F13A1: variants seen among roughly 807,000 people sequenced by gnomAD.
F13A1 encodes coagulation factor XIII A chain.
Under a neutral mutation model 80.1 loss-of-function variants are expected in F13A1, and 47 were observed. The observed-to-expected ratio is 0.59, with a 90% CI of 0.46 to 0.75. The LOEUF (loss-of-function observed/expected upper bound fraction) is 0.75, where lower values mean the gene tolerates loss of function less well. Among genes scored for constraint, F13A1 ranks in the 30% least tolerant of loss-of-function variants. The pLI, the probability that F13A1 is intolerant of heterozygous loss-of-function variation, is 0.00. For missense variants in F13A1, 817 were observed against 930.4 expected (o/e 0.88, Z 1.59); for synonymous variants, 349 against 344.9 (o/e 1.01, Z -0.13).
intron 6 of F13A1, among the ~76,000 whole-genome samples, chr6:6,244,840 C>A (rs187558909): frequency 6.6e-6 from 1 of 152,178 alleles, no homozygotes; most frequent in Non-Finnish European, 1.5e-5. Context: ...CGAGCTGAGT[C>A]GCTTCCCATA....
At chr6:6,302,584 T>C (rs1319570782) in intron 3 of F13A1, among the ~76,000 whole-genome samples, 1 of 152,192 alleles carries the variant, frequency 6.6e-6, no homozygotes, top group African/African-American at 2.4e-5. Context: ...TTACCATGAA[T>C]GGAACGTGCA....
In F13A1 at chr6:6,228,892, A is replaced by G. The variant is rs116263970; in HGVS notation, c.799-4032T>C. On this transcript the variant is annotated intron_variant, in intron 6 of 14. Coordinates refer to ENST00000264870, the MANE Select transcript of F13A1 (RefSeq NM_000129.4). ...TAATACAAGCTGAGCGTATCCCCCA[A>G]TGGAACTGAGATATGCCTCCAGTTG... 7.8e-3 allele frequency among the ~76,000 whole-genome samples: 1,183 copies of G among 152,320 alleles called. 12 individuals carry two copies. Among genetic ancestry groups the G allele is most frequent in the African/African-American group, 0.027 (1,128 of 41,558 alleles).
At chr6:6,173,470 C>T (rs560846034) in intron 12 of F13A1, among the ~76,000 whole-genome samples, 15 of 150,440 alleles carry the variant, frequency 1.0e-4, no homozygotes, top group Non-Finnish European at 1.3e-4. Context: ...GGCAGTGGCA[C>T]GATCTCAGCT....
At chr6:6,282,853 C>G (rs554409005) in intron 3 of F13A1, among the ~76,000 whole-genome samples, 1 of 152,304 alleles carries the variant, frequency 6.6e-6, no homozygotes, top group South Asian at 2.1e-4. Flanking sequence ...CAGAGTTTCA[C>G]AGAGGGTCAT....
intron 10 of F13A1, among the ~76,000 whole-genome samples, chr6:6,192,514 C>A (rs1359253502): frequency 1.3e-5 from 2 of 151,938 alleles, no homozygotes; most frequent in African/African-American, 4.8e-5. Context: ...AAAATAATTC[C>A]AAAGTTTTGT....
intron 10 of F13A1, among the ~76,000 whole-genome samples, chr6:6,195,512 C>T (rs1761273765): frequency 6.6e-6 from 1 of 152,212 alleles, no homozygotes. Context: ...TATAATTTCT[C>T]TGGAGCAGTT....
intron 6 of F13A1, 90 bp downstream of exon 6, chr6:6,248,222 C>G: frequency 2.0e-6 from 2 of 1,022,422 alleles, no homozygotes; most frequent in Non-Finnish European, 3.1e-6. Flanking sequence ...AAGTGTAAGT[C>G]ATCATTTCAG....
chr6:6,148,851 G>A (rs1760327348), intron 14 of F13A1, among the ~76,000 whole-genome samples: 2 of 152,110 alleles, frequency 1.3e-5, no homozygotes. Flanking sequence ...CTGGGTTTCT[G>A]TAACTATTCA....
At chr6:6,146,460 C>T (rs984628874) in intron 14 of F13A1, among the ~76,000 whole-genome samples, 5 of 152,182 alleles carry the variant, frequency 3.3e-5, no homozygotes, top group African/African-American at 1.2e-4. Flanking sequence ...TTCTCCTCTT[C>T]CTCCCAGCCT....
In F13A1 at chr6:6,174,604, C is replaced by G. The variant is rs201444282; in HGVS notation, c.1723G>C (p.Asp575His). ...PKAEFKKETF[D>H]VTLEPLSFKK... ...CAGGACAAGGGCTCCAGCGTCACGTCGAACGTCTCCTTCTTGAATTCTGCC... is the reference window on the plus strand; with the variant it reads ...CAGGACAAGGGCTCCAGCGTCACGTGGAACGTCTCCTTCTTGAATTCTGCC... The change falls in exon 12 of 15, where the codon GAC becomes CAC. Residue 575 changes from aspartate (D) to histidine (H), a missense_variant. Physicochemically the swap from Asp to His is moderately conservative, Grantham distance 81. Transcript: ENST00000264870. The G allele has an allele frequency of 7.6e-5, 122 of 1,613,990 alleles. No homozygotes were observed. Among genetic ancestry groups the G allele is most frequent in the Non-Finnish European group, 8.5e-7 (1 of 1,180,038 alleles).
chr6:6,175,836 T>G (rs562240439), intron 11 of F13A1, among the ~76,000 whole-genome samples: 1 of 152,024 alleles, frequency 6.6e-6, no homozygotes. Flanking sequence ...GTGGTGGAGA[T>G]GAAGGGAGGA....
chr6:6,300,288 C>T lies in F13A1; in HGVS notation c.319+5063G>A, dbSNP rs145214991. Among the ~76,000 whole-genome samples the T allele has an allele frequency of 7.5e-4, 113 of 150,354 alleles. 1 individual carries two copies. The East Asian group carries it at 0.012, about 15-fold the overall frequency. On this transcript the variant is annotated intron_variant, in intron 3 of 14. Transcript: ENST00000264870. ...GCTCCACCCAGTTCGAGCTTCCAGG[C>T]TGCTTTGTTTCAGTAAGCAAGCCTG...
chr6:6,174,963 G>A, intron 11 of F13A1, 96 bp from the exon 12 acceptor site: 1 of 1,452,746 alleles, frequency 6.9e-7, no homozygotes, highest in Non-Finnish European at 9.6e-7. Context: ...TTGTTGGGGT[G>A]TTTCTATAAT....
chr6:6,297,342 C>T (rs1191919259), intron 3 of F13A1, among the ~76,000 whole-genome samples: 1 of 151,474 alleles, frequency 6.6e-6, no homozygotes. Context: ...CTCCTTGTAC[C>T]TCTGGTAGAA....
Position 6,195,837 on chromosome 6 carries a change from T to C in F13A1, c.1265A>G (p.His422Arg). The change falls in exon 10 of 15, where the codon CAT becomes CGT. Residue 422 changes from histidine to arginine, a missense_variant. Coordinates refer to ENST00000264870, the MANE Select transcript of F13A1 (RefSeq NM_000129.4). ...PASVQAIKHG[H>R]VCFQFDAPFV... ...AGGTGCATCAAATTGGAAGCAGACA[T>C]GGCCGTGCTTGATGGCTTGAACCGA... 6.2e-7 allele frequency: 1 copy of C among 1,614,200 alleles called. No individual in the cohort carries two copies. The highest frequency in any genetic ancestry group is 8.5e-7 in the Non-Finnish European group (1 of 1,180,024).
chr6:6,191,008 T>G lies in F13A1; in HGVS notation c.1305+4789A>C, dbSNP rs1397714507. On this transcript the variant is annotated intron_variant, in intron 10 of 14. Transcript: ENST00000264870. Reference sequence around the variant, plus strand: ...TTTTCCAGGTGCCATCCGTCACCCCTTTCTTTGACTAGGAAAGGGAACTCC... The same window carrying G: ...TTTTCCAGGTGCCATCCGTCACCCCGTTCTTTGACTAGGAAAGGGAACTCC... 7.1e-4 allele frequency among the ~76,000 whole-genome samples: 108 copies of G among 152,340 alleles called. 1 individual carries two copies. Among genetic ancestry groups the G allele is most frequent in the African/African-American group, 2.2e-3 (92 of 41,592 alleles).
chr6:6,242,920 C>T (rs1757502118), intron 6 of F13A1, among the ~76,000 whole-genome samples: 2 of 152,178 alleles, frequency 1.3e-5, no homozygotes, highest in South Asian at 4.1e-4. Flanking sequence ...TGCTTATTTC[C>T]ATCACAGAAT....
intron 3 of F13A1, among the ~76,000 whole-genome samples, chr6:6,288,280 C>G (rs1399247246): frequency 1.3e-5 from 2 of 152,352 alleles, no homozygotes; most frequent in East Asian, 3.9e-4. Flanking sequence ...TTCTTTCAGT[C>G]TAACTGAGAC....
chr6:6,300,280 C>G (rs1279801030), intron 3 of F13A1, among the ~76,000 whole-genome samples: 2 of 150,036 alleles, frequency 1.3e-5, no homozygotes, highest in Non-Finnish European at 2.9e-5. Context: ...CCAGTTCGAG[C>G]TTCCAGGCTG....
Sources: gnomAD v4.1 joint callset for allele counts (sites outside exome capture counted in the v4.1 genomes callset) on GRCh38, gnomAD v4.1.1 for gene constraint, MANE v1.5 for transcripts, NCBI Gene and HGNC (gene_info 2026-07-23, HGNC 2026-07-21) for gene names.